AGBL4: variants seen among roughly 807,000 people sequenced by gnomAD.
The protein encoded by AGBL4 is AGBL carboxypeptidase 4.
AGBL4 carries 58 observed loss-of-function variants against 66.4 expected under a neutral mutation model. That is an observed-to-expected ratio of 0.87 (90% CI 0.71 to 1.09). The LOEUF (loss-of-function observed/expected upper bound fraction) is 1.09. AGBL4 is among the 50% of genes least tolerant of loss of function. AGBL4 has a pLI of 0.00. For synonymous variants in AGBL4, 234 were observed against 222.9 expected (o/e 1.05, Z -0.44); for missense variants, 579 against 631.0 (o/e 0.92, Z 0.88).
At chr1:49,858,204 G>A (rs376611593) in intron 1 of AGBL4, among the ~76,000 whole-genome samples, 2 of 151,926 alleles carry the variant, frequency 1.3e-5, no homozygotes, top group Admixed American at 1.3e-4. Flanking sequence ...CTATGAAAAG[G>A]ATAAAAAATA....
intron 5 of AGBL4, among the ~76,000 whole-genome samples, chr1:48,925,605 AG>A: frequency 6.6e-6 from 1 of 152,282 alleles, no homozygotes; most frequent in African/African-American, 2.4e-5. Flanking sequence ...AATGTGGCCC[AG>A]GGAAGCCAAA....
chr1:49,260,302 A>G (rs1205236892), intron 3 of AGBL4, among the ~76,000 whole-genome samples: 1 of 151,030 alleles, frequency 6.6e-6, no homozygotes, highest in Non-Finnish European at 1.5e-5. Context: ...AGAAATAACT[A>G]AAATCAGAGC....
At chr1:49,513,115 T>C (rs908119724) in intron 3 of AGBL4, among the ~76,000 whole-genome samples, 4 of 152,046 alleles carry the variant, frequency 2.6e-5, no homozygotes, top group Non-Finnish European at 5.9e-5. Flanking sequence ...GTGGCAGAAC[T>C]GGAAAATGAA....
chr1:49,756,847 C>T (rs1178823840), intron 2 of AGBL4, among the ~76,000 whole-genome samples: 7 of 152,024 alleles, frequency 4.6e-5, no homozygotes, highest in African/African-American at 1.2e-4. Flanking sequence ...AATTGTAAAT[C>T]AATTAAACCT....
chr1:49,909,005 G>C (rs1650555804), intron 1 of AGBL4, among the ~76,000 whole-genome samples: 1 of 151,994 alleles, frequency 6.6e-6, no homozygotes, highest in African/African-American at 2.4e-5. Flanking sequence ...AGACAATAGG[G>C]CATAATATAG....
intron 1 of AGBL4, among the ~76,000 whole-genome samples, chr1:49,978,926 G>T (rs1454645211): frequency 6.6e-6 from 1 of 152,132 alleles, no homozygotes; most frequent in African/African-American, 2.4e-5. Flanking sequence ...AACAACATGG[G>T]TTTGGACTGT....
chr1:48,792,855 C>T (rs1645584316), intron 6 of AGBL4, among the ~76,000 whole-genome samples: 1 of 152,164 alleles, frequency 6.6e-6, no homozygotes, highest in Non-Finnish European at 1.5e-5. Flanking sequence ...ATCCCTTCTT[C>T]ACCTTGATGT....
At chr1:49,122,679 T>G (rs190890813) in intron 4 of AGBL4, among the ~76,000 whole-genome samples, 176 of 152,328 alleles carry the variant, frequency 1.2e-3, no homozygotes, top group Non-Finnish European at 2.2e-3. Context: ...TCCATGACCT[T>G]AGACAATTTA....
intron 6 of AGBL4, among the ~76,000 whole-genome samples, chr1:48,845,800 T>A (rs770492451): frequency 7.9e-5 from 12 of 152,236 alleles, no homozygotes; most frequent in Non-Finnish European, 1.5e-4. Context: ...TTTGGGCAAG[T>A]TATTTGCTCT....
intron 6 of AGBL4, among the ~76,000 whole-genome samples, chr1:48,671,441 T>C (rs920059549): frequency 6.6e-6 from 1 of 152,184 alleles, no homozygotes; most frequent in Admixed American, 6.5e-5. Context: ...AGATCAAGAC[T>C]TGTGGTTATA....
intron 2 of AGBL4, among the ~76,000 whole-genome samples, chr1:49,749,032 T>C (rs1403005772): frequency 6.6e-6 from 1 of 152,224 alleles, no homozygotes; most frequent in Non-Finnish European, 1.5e-5. Context: ...TTTATCAATT[T>C]TGGCTTTTGT....
chr1:48,776,969 C>G (rs887444410), intron 6 of AGBL4: 4 of 485,412 alleles, frequency 8.2e-6, no homozygotes, highest in Non-Finnish European at 1.1e-5. Flanking sequence ...CAGGCTCCCC[C>G]CACTGTTATT....
intron 5 of AGBL4, among the ~76,000 whole-genome samples, chr1:49,030,048 A>G (rs1256186544): frequency 6.6e-6 from 1 of 152,148 alleles, no homozygotes; most frequent in Non-Finnish European, 1.5e-5. Flanking sequence ...GAAAATTATA[A>G]AGCTCTTAGA....
intron 1 of AGBL4, among the ~76,000 whole-genome samples, chr1:49,906,728 T>A (rs934235228): frequency 2.0e-5 from 3 of 152,084 alleles, no homozygotes; most frequent in Non-Finnish European, 4.4e-5. Flanking sequence ...GTAAACTGCA[T>A]ATGTAAGTAA....
chr1:48,539,523 T>A, intron 12 of AGBL4, 119 bp downstream of exon 12: 1 of 755,320 alleles, frequency 1.3e-6, no homozygotes, highest in Non-Finnish European at 1.9e-6. Context: ...AGGGCCAGGA[T>A]TATCTTTCCT....
At chr1:49,643,437 A>G (rs969031026) in intron 3 of AGBL4, among the ~76,000 whole-genome samples, 1 of 151,788 alleles carries the variant, frequency 6.6e-6, no homozygotes, top group African/African-American at 2.4e-5. Context: ...CAATAGCTGA[A>G]AATTATACAA....
At chr1:48,719,089 C>G (rs776061029) in intron 6 of AGBL4, among the ~76,000 whole-genome samples, 1 of 152,198 alleles carries the variant, frequency 6.6e-6, no homozygotes, top group Non-Finnish European at 1.5e-5. Context: ...ACTCCACATC[C>G]CATGCTGTTC....
downstream of AGBL4, among the ~76,000 whole-genome samples, chr1:48,529,848 G>C (rs12072622): frequency 6.6e-6 from 1 of 152,090 alleles, no homozygotes; most frequent in Non-Finnish European, 1.5e-5. Flanking sequence ...GGGATAAATG[G>C]GCCCCTTGCC....
chr1:49,197,559 G>A lies in AGBL4; in HGVS notation c.377+48211C>T, dbSNP rs371085180. On this transcript the variant is annotated intron_variant, in intron 4 of 13. Transcript: ENST00000371839. ...GCTGTGCTGAGGTGCCGGCCTGGGC[G>A]GGAACAGGTATTGCTGGCCTTTAAG... is the stretch of plus-strand genomic sequence containing the variant. Among the ~76,000 whole-genome samples the A allele has an allele frequency of 1.9e-3, 294 of 152,274 alleles. 2 individuals carry two copies. The highest frequency in any genetic ancestry group is 6.5e-3 in the African/African-American group (269 of 41,550).
Sources: allele counts gnomAD v4.1 joint callset (sites outside exome capture counted in the v4.1 genomes callset), GRCh38; gene constraint gnomAD v4.1.1; transcripts MANE v1.5; gene names NCBI Gene and HGNC (gene_info 2026-07-23, HGNC 2026-07-21).